Variants in LSAMP observed in about 807,000 individuals in gnomAD.
LSAMP encodes limbic system associated membrane protein, also known as limbic system-associated membrane protein.
Under a neutral mutation model 38.6 loss-of-function variants are expected in LSAMP, and 7 were observed. That is an observed-to-expected ratio of 0.18 (90% CI 0.10 to 0.34). The LOEUF is 0.34. LSAMP is among the 10% of genes least tolerant of loss of function. The pLI is 1.00. For synonymous variants in LSAMP, 154 were observed against 166.8 expected (o/e 0.92, Z 0.59); for missense variants, 313 against 420.0 (o/e 0.75, Z 2.23).
chr3:115,857,593 G>A (rs1343853459), intron 3 of LSAMP, among the ~76,000 whole-genome samples: 1 of 152,076 alleles, frequency 6.6e-6, no homozygotes. Flanking sequence ...CCACAAGCCT[G>A]CTCACATCGC....
At chr3:116,373,362 G>T (rs1451859612) in intron 1 of LSAMP, among the ~76,000 whole-genome samples, 1 of 151,570 alleles carries the variant, frequency 6.6e-6, no homozygotes, top group Non-Finnish European at 1.5e-5. Context: ...CTTATATGAG[G>T]TATATAGAGT....
chr3:116,195,088 T>C (rs553771796), intron 1 of LSAMP, among the ~76,000 whole-genome samples: 10 of 152,350 alleles, frequency 6.6e-5, no homozygotes, highest in African/African-American at 1.9e-4. Flanking sequence ...GAGTAGGCAC[T>C]GTATTGATCT....
chr3:116,393,437 T>C (rs2048728714), intron 1 of LSAMP, among the ~76,000 whole-genome samples: 1 of 152,200 alleles, frequency 6.6e-6, no homozygotes, highest in Non-Finnish European at 1.5e-5. Context: ...CAATAGCCAG[T>C]GCATCTGACA....
intron 3 of LSAMP, among the ~76,000 whole-genome samples, chr3:115,860,528 G>A (rs1202005790): frequency 6.6e-6 from 1 of 152,160 alleles, no homozygotes; most frequent in African/African-American, 2.4e-5. Flanking sequence ...GATAAAGAAG[G>A]TAAAAAGACA....
chr3:116,256,554 G>T (rs1870708), intron 1 of LSAMP, among the ~76,000 whole-genome samples: 117,725 of 152,068 alleles, frequency 0.77, 46,109 homozygotes, highest in Non-Finnish European at 0.84. Flanking sequence ...TATATAACAT[G>T]CCTTTATCTG....
intron 2 of LSAMP, among the ~76,000 whole-genome samples, chr3:116,080,158 C>T (rs984121888): frequency 2.0e-5 from 3 of 152,140 alleles, no homozygotes; most frequent in African/African-American, 7.2e-5. Flanking sequence ...TCTCTACCTC[C>T]ACATCTTCCT....
chr3:115,858,606 C>A (rs940418394), intron 3 of LSAMP, among the ~76,000 whole-genome samples: 7 of 152,104 alleles, frequency 4.6e-5, no homozygotes, highest in African/African-American at 1.7e-4. Flanking sequence ...TCCTTTTACT[C>A]ACCTACGTTT....
At chr3:116,053,802 A>G (rs1357074736) in intron 2 of LSAMP, among the ~76,000 whole-genome samples, 2 of 152,204 alleles carry the variant, frequency 1.3e-5, no homozygotes, top group African/African-American at 4.8e-5. Context: ...AGTAATAGTC[A>G]GTGCTGTGTC....
At chr3:116,037,072 G>T (rs1231493504) in intron 2 of LSAMP, among the ~76,000 whole-genome samples, 1 of 152,032 alleles carries the variant, frequency 6.6e-6, no homozygotes, top group Admixed American at 6.6e-5. Flanking sequence ...CAAGGACTCG[G>T]GGACCTCTGT....
At chr3:116,418,363 G>T (rs573255446) in intron 1 of LSAMP, among the ~76,000 whole-genome samples, 1 of 152,154 alleles carries the variant, frequency 6.6e-6, no homozygotes, top group East Asian at 1.9e-4. Flanking sequence ...CACCAAAAAT[G>T]CTCCCCTTGC....
At chr3:115,897,615 A>G (rs897182289) in intron 3 of LSAMP, among the ~76,000 whole-genome samples, 4 of 152,196 alleles carry the variant, frequency 2.6e-5, no homozygotes, top group Non-Finnish European at 4.4e-5. Context: ...TCAGTTGAAT[A>G]TAAAGAAGAC....
chr3:116,402,416 A>T (rs2048851208), intron 1 of LSAMP, among the ~76,000 whole-genome samples: 1 of 152,172 alleles, frequency 6.6e-6, no homozygotes, highest in African/African-American at 2.4e-5. Context: ...GTGCCACTCT[A>T]ATTTAAAAAC....
intron 1 of LSAMP, among the ~76,000 whole-genome samples, chr3:116,437,080 C>T (rs1368202338): frequency 6.7e-6 from 1 of 149,918 alleles, no homozygotes; most frequent in Non-Finnish European, 1.5e-5. Context: ...AATACTAAGC[C>T]ATAAAAAGGA....
At chr3:115,925,722 T>A (rs1470680036) in intron 3 of LSAMP, among the ~76,000 whole-genome samples, 1 of 152,202 alleles carries the variant, frequency 6.6e-6, no homozygotes, top group Non-Finnish European at 1.5e-5. Context: ...ATTTCATTTT[T>A]AATTCTAAAA....
rs1213548285 is a variant in LSAMP, at chr3:115,907,000, A to ATAAT, written c.515-54387_515-54384dup. 2.6e-5 allele frequency among the ~76,000 whole-genome samples: 4 copies of ATAAT among 152,182 alleles called. No individual in the cohort carries two copies. In the East Asian group the frequency reaches 7.7e-4, roughly 29 times the overall value. On this transcript the variant is annotated intron_variant, in intron 3 of 6. Coordinates refer to ENST00000490035, the MANE Select transcript of LSAMP (RefSeq NM_002338.5). ...AACCTAATGTTAGTCCTATACTAGAATAATTTGAATATTTAAAACAAACTC... is the reference window on the plus strand; with the variant it reads ...AACCTAATGTTAGTCCTATACTAGAATAATTAATTTGAATATTTAAAACAAACTC...
At chr3:116,213,964 A>C (rs2107609357) in intron 1 of LSAMP, among the ~76,000 whole-genome samples, 1 of 152,364 alleles carries the variant, frequency 6.6e-6, no homozygotes, top group South Asian at 2.1e-4. Context: ...AAGATGAACC[A>C]GCTCTAGACA....
chr3:115,896,212 G>A (rs1482516250), intron 3 of LSAMP, among the ~76,000 whole-genome samples: 1 of 151,942 alleles, frequency 6.6e-6, no homozygotes, highest in Non-Finnish European at 1.5e-5. Flanking sequence ...AGACAGCAAG[G>A]AAATAAATCC....
intron 1 of LSAMP, among the ~76,000 whole-genome samples, chr3:116,207,501 G>C (rs954351478): frequency 4.7e-5 from 7 of 150,226 alleles, no homozygotes; most frequent in Non-Finnish European, 7.4e-5. Context: ...TCCTAGTCTC[G>C]ATGGTCTTTA....
chr3:116,305,158 C>T (rs1178766662), intron 1 of LSAMP, among the ~76,000 whole-genome samples: 1 of 152,052 alleles, frequency 6.6e-6, no homozygotes, highest in Admixed American at 6.6e-5. Context: ...GGGGATGCAC[C>T]TTGCACATAA....
Sources: gnomAD v4.1 joint callset for allele counts (sites outside exome capture counted in the v4.1 genomes callset) on GRCh38, gnomAD v4.1.1 for gene constraint, MANE v1.5 for transcripts, NCBI Gene and HGNC (gene_info 2026-07-23, HGNC 2026-07-21) for gene names.